Variants in FKBP15 observed in about 807,000 individuals in gnomAD.
FKBP15 encodes FKBP prolyl isomerase family member 15.
Under a neutral mutation model 158.1 loss-of-function variants are expected in FKBP15, and 106 were observed. That is an observed-to-expected ratio of 0.67 (90% CI 0.57 to 0.79). FKBP15 has a LOEUF of 0.79. Among genes scored for constraint, FKBP15 ranks in the 30% least tolerant of loss-of-function variants. FKBP15 has a pLI of 0.00. For synonymous variants in FKBP15, 547 were observed against 548.6 expected, an observed-to-expected ratio of 1.00 and a Z score of 0.04; for missense variants, 1,287 against 1,479.1, an observed-to-expected ratio of 0.87 and a Z score of 2.13.
chr9:113,179,301 G>C (rs563311896), intron 19 of FKBP15, among the ~76,000 whole-genome samples: 1 of 151,754 alleles, frequency 6.6e-6, no homozygotes, highest in Non-Finnish European at 1.5e-5. Context: ...TTTATTCCTC[G>C]CCTTATTCCA....
intron 18 of FKBP15, among the ~76,000 whole-genome samples, chr9:113,183,245 ATTTT>A (rs376520328): frequency 1.3e-5 from 2 of 151,934 alleles, no homozygotes; most frequent in African/African-American, 4.8e-5. Flanking sequence ...TGGGAGAATG[ATTTT>A]TTTTAAGTGA....
rs184586635 is a variant in FKBP15 at position 113,162,202 on chromosome 9, G to A, written c.*3876C>T. 186 of 278,890 alleles carry A rather than the reference G, an allele frequency of 6.7e-4. 1 individual carries two copies. Among genetic ancestry groups the A allele is most frequent in the African/African-American group, 4.0e-3 (175 of 43,232 alleles). The allele number at this position is 278,890 out of a possible 1,614,324, so 17.3% of individuals were successfully genotyped here. A position where few individuals can be genotyped will look rare whatever the true frequency, so the allele number is the denominator to read the frequency against. ...TCACCTGTGCTTAATAAGCCTGCCC[G>A]CTCCATCACTAGCCACCCTACATGG... On this transcript the variant is annotated 3_prime_UTR_variant, in exon 28 of 28. Coordinates refer to ENST00000238256, the MANE Select transcript of FKBP15 (RefSeq NM_015258.2).
Position 113,171,674 on chromosome 9 carries a change from G to T in FKBP15, c.2565C>A (p.Leu855=), listed in dbSNP as rs765145245. Residue 855 remains leucine (L), a synonymous_variant, in exon 24 of 28, where the codon CTC becomes CTA. Coordinates refer to ENST00000238256, the MANE Select transcript of FKBP15 (RefSeq NM_015258.2). ...CLALQAQITA[L]TKQNEQHIKE... ...TGATGTGCTGTTCATTTTGCTTGGT[G>T]AGAGCTGTGATTTGGGCCTGGAGGG... The T allele has an allele frequency of 1.9e-6, 3 of 1,601,116 alleles. No homozygotes were observed.
rs772476600 is a variant in FKBP15 at position 113,161,712 on chromosome 9, G to A, written c.*4366C>T. 91 of 1,613,236 alleles carry A rather than the reference G, an allele frequency of 5.6e-5. 2 individuals carry two copies. ...AACCCACCACAGGTACAGGCAGTGG[G>A]TATGGGAAAGGGGCAGAAGCCTCAC... On this transcript the variant is annotated 3_prime_UTR_variant, in exon 28 of 28. Transcript: ENST00000238256.
intron 8 of FKBP15, among the ~76,000 whole-genome samples, chr9:113,197,420 C>T (rs146757690): frequency 4.6e-5 from 7 of 152,246 alleles, no homozygotes; most frequent in Admixed American, 2.0e-4. Context: ...GTAATCCCAG[C>T]ACTTTGAGAG....
intron 18 of FKBP15, 103 bp from the exon 19 acceptor site, chr9:113,182,971 C>A: frequency 1.1e-6 from 1 of 937,448 alleles, no homozygotes; most frequent in African/African-American, 1.6e-5. Context: ...TGCTCTATAC[C>A]TTTGTCAAAA....
chr9:113,183,901 T>C (rs944452412), intron 17 of FKBP15, 56 bp from the exon 18 acceptor site: 17 of 1,314,336 alleles, frequency 1.3e-5, no homozygotes, highest in Non-Finnish European at 1.7e-5. Flanking sequence ...AAGTGCCAGA[T>C]AGAAGAGAAT....
rs1029893833 is a variant in FKBP15, at chr9:113,199,941, C to A, written c.521G>T (p.Ser174Ile). ...NKQVCIAKCN[S>I]TSSLDAVLSQ... ...GAGCACTGCATCCAGGGAAGAGGTA[C>A]TGTTGCACTTAGCAATGCACACCTG... The change falls in exon 7 of 28, where the codon AGT becomes ATT. Residue 174 changes from serine (S) to isoleucine (I), a missense_variant. Transcript: ENST00000238256. 6.2e-7 allele frequency: 1 copy of A among 1,613,122 alleles called. No homozygotes were observed. Among genetic ancestry groups the A allele is most frequent in the African/African-American group, 1.3e-5 (1 of 75,014 alleles).
At chr9:113,173,725 G>C in intron 22 of FKBP15, 120 bp from the exon 23 acceptor site, 1 of 1,000,130 alleles carries the variant, frequency 1.0e-6, no homozygotes, top group Non-Finnish European at 1.5e-6. Context: ...AGATTTAACT[G>C]GGAAACTGTT....
intron 19 of FKBP15, among the ~76,000 whole-genome samples, chr9:113,182,405 A>C (rs554277707): frequency 6.6e-6 from 1 of 152,374 alleles, no homozygotes; most frequent in East Asian, 1.9e-4. Context: ...TGGCAGACAC[A>C]GATGAAGGAG....
intron 25 of FKBP15, among the ~76,000 whole-genome samples, chr9:113,170,233 C>A (rs552378708): frequency 4.6e-5 from 7 of 152,192 alleles, no homozygotes; most frequent in African/African-American, 1.7e-4. Context: ...TCAAGTGATT[C>A]TCCTGCCTCA....
At position 113,207,379 on chromosome 9, in the gene FKBP15, A is replaced by C. The variant is rs1436754279; in HGVS notation, c.170-83T>G. On this transcript the variant is annotated intron_variant, in intron 2 of 27. Transcript: ENST00000238256. ...TTTAAAGACGGAGTTTCACTTTGTC[A>C]CCCAGGCTGGAGTGCAGTGGCGTGA... 3 of 1,035,530 alleles carry C rather than the reference A, an allele frequency of 2.9e-6. 1 individual carries two copies. In the African/African-American group the frequency reaches 6.0e-5, roughly 21 times the overall value. 64.1% of individuals were successfully genotyped at this position (1,035,530 alleles called of 1,614,324 possible).
At chr9:113,170,483 C>T (rs1455207032) in intron 25 of FKBP15, 39 bp downstream of exon 25, 2 of 1,401,444 alleles carry the variant, frequency 1.4e-6, no homozygotes, top group Admixed American at 1.7e-5. Context: ...CAACAAAATG[C>T]CCAATACGAT....
chr9:113,219,925 G>T (rs1265279776), intron 1 of FKBP15, among the ~76,000 whole-genome samples: 2 of 152,234 alleles, frequency 1.3e-5, no homozygotes, highest in Non-Finnish European at 2.9e-5. Flanking sequence ...GACGGGGTAG[G>T]AAGGGAACAG....
rs755414651 is a variant in FKBP15, at chr9:113,173,608, G to A, written c.2380-3C>T. Reference sequence around the variant, plus strand: ...AGCTCAGCCTGTACTAAAGACAGCTGCCAAGAGAAAGTAATGACCATATCA... The same window carrying A: ...AGCTCAGCCTGTACTAAAGACAGCTACCAAGAGAAAGTAATGACCATATCA... On this transcript the variant is annotated splice_region_variant and splice_polypyrimidine_tract_variant and intron_variant, in intron 22 of 27. Coordinates refer to ENST00000238256, the MANE Select transcript of FKBP15 (RefSeq NM_015258.2). 5.6e-6 allele frequency: 9 copies of A among 1,612,928 alleles called. No homozygotes were observed. Among genetic ancestry groups the A allele is most frequent in the Non-Finnish European group, 7.6e-6 (9 of 1,179,318 alleles).
chr9:113,221,168 G>A, intron 1 of FKBP15, 23 bp downstream of exon 1: 1 of 1,598,460 alleles, frequency 6.3e-7, no homozygotes, highest in Non-Finnish European at 8.5e-7. Context: ...ACGCCCTCCA[G>A]CGCATACTTC....
chr9:113,214,734 C>G (rs1831083959), intron 1 of FKBP15, among the ~76,000 whole-genome samples: 1 of 152,250 alleles, frequency 6.6e-6, no homozygotes, highest in Non-Finnish European at 1.5e-5. Context: ...AGTCCTAGAT[C>G]TTCTTCCAAT....
rs1564184355 is a variant in FKBP15 at position 113,206,711 on chromosome 9, A to ATTT, written c.255-134_255-133insAAA. The ATTT allele has an allele frequency of 1.9e-5, 11 of 589,538 alleles. No homozygotes were observed. In the African/African-American group the frequency reaches 1.9e-4, roughly 10 times the overall value. 36.5% of individuals were successfully genotyped at this position (589,538 alleles called of 1,614,324 possible). A position where few individuals can be genotyped will look rare whatever the true frequency, so the allele number is the denominator to read the frequency against. On this transcript the variant is annotated intron_variant, in intron 3 of 27. Coordinates refer to ENST00000238256, the MANE Select transcript of FKBP15 (RefSeq NM_015258.2). ...GCAGGGACACAGGTGAGCGGTTTAAAATTTTTTTTTTTTTTTTTTTTTTTG... is the reference window on the plus strand; with the variant it reads ...GCAGGGACACAGGTGAGCGGTTTAAATTTATTTTTTTTTTTTTTTTTTTTTTTG...
At position 113,184,283 on chromosome 9, in the gene FKBP15, C is replaced by A; in HGVS notation, c.1716+9G>T. The A allele has an allele frequency of 6.4e-7, 1 of 1,574,044 alleles. No homozygotes were observed. Among genetic ancestry groups the A allele is most frequent in the South Asian group, 1.2e-5 (1 of 86,408 alleles). ...TCAGCCTGAGTGGTATGTTCTTAAT[C>A]ACCCTCACCTGAATGATTCGCTGGA... is the stretch of plus-strand genomic sequence containing the variant. On this transcript the variant is annotated intron_variant, in intron 17 of 27. Coordinates refer to ENST00000238256, the MANE Select transcript of FKBP15 (RefSeq NM_015258.2). The surrounding 1 kb of genome is among the most constrained non-coding windows in gnomAD (Gnocchi z 4.5).
Sources: gnomAD v4.1 joint callset for allele counts (sites outside exome capture counted in the v4.1 genomes callset) on GRCh38, gnomAD v4.1.1 for gene constraint, Gnocchi (gnomAD v3.1) non-coding constraint, MANE v1.5 for transcripts, NCBI Gene and HGNC (gene_info 2026-07-23, HGNC 2026-07-21) for gene names.